The following INTS9 variants were observed in gnomAD, a reference collection of about 807,000 sequenced individuals.
INTS9 encodes protein related to CPSF subunits of 74 kDa.
Under a neutral mutation model 79.7 loss-of-function variants are expected in INTS9, and 55 were observed. That is an observed-to-expected ratio of 0.69 (90% CI 0.56 to 0.86). The LOEUF (loss-of-function observed/expected upper bound fraction) is 0.86. INTS9 is among the 40% of genes least tolerant of loss of function. The pLI is 0.00. For synonymous variants in INTS9, 319 were observed against 325.2 expected, an observed-to-expected ratio of 0.98 and a Z score of 0.20; for missense variants, 721 against 831.5, an observed-to-expected ratio of 0.87 and a Z score of 1.64.
At chr8:28,769,390 A>G (rs924364378) in intron 16 of INTS9, among the ~76,000 whole-genome samples, 2 of 152,130 alleles carry the variant, frequency 1.3e-5, no homozygotes, top group Non-Finnish European at 2.9e-5. Flanking sequence ...TTAAGGTTAG[A>G]TTTTTTTCTT....
intron 6 of INTS9, 117 bp from the exon 7 acceptor site, chr8:28,813,729 T>G: frequency 9.2e-7 from 1 of 1,092,306 alleles, no homozygotes; most frequent in Non-Finnish European, 1.3e-6. Context: ...CATATAATTG[T>G]TCATAGGATT....
chr8:28,864,519 T>C, intron 1 of INTS9, among the ~76,000 whole-genome samples: 1 of 152,376 alleles, frequency 6.6e-6, no homozygotes, highest in East Asian at 1.9e-4. Flanking sequence ...GACTCTAAAA[T>C]ATGATTAAAA....
intron 4 of INTS9, among the ~76,000 whole-genome samples, chr8:28,844,291 T>C (rs1807366978): frequency 6.6e-6 from 1 of 152,212 alleles, no homozygotes; most frequent in Non-Finnish European, 1.5e-5. Flanking sequence ...AAACCTGTTC[T>C]TCCAGCACTT....
At chr8:28,868,074 C>T (rs964955526) in intron 1 of INTS9, among the ~76,000 whole-genome samples, 4 of 152,152 alleles carry the variant, frequency 2.6e-5, no homozygotes, top group African/African-American at 9.7e-5. Context: ...GTATGAAAGG[C>T]ATTGTCAGAG....
intron 8 of INTS9, among the ~76,000 whole-genome samples, chr8:28,801,652 C>A (rs1804534572): frequency 6.6e-6 from 1 of 152,162 alleles, no homozygotes; most frequent in Non-Finnish European, 1.5e-5. Flanking sequence ...TGCCCTGTTG[C>A]TCAGACTGGA....
Position 28,842,345 on chromosome 8 carries a change from T to C in INTS9, c.261+4402A>G, listed in dbSNP as rs1250559483. Among the ~76,000 whole-genome samples, 3 of 152,138 alleles carry C rather than the reference T, an allele frequency of 2.0e-5. No individual in the cohort carries two copies. In the East Asian group the frequency reaches 5.8e-4, roughly 29 times the overall value. On this transcript the variant is annotated intron_variant, in intron 4 of 16. Transcript: ENST00000521022. ...GATATATGTTGTAATTTGTTGGATG[T>C]TTTCACGTTTTCATTTCTCTAAAAA...
At chr8:28,792,555 A>C (rs1015049641) in intron 10 of INTS9, among the ~76,000 whole-genome samples, 2 of 151,906 alleles carry the variant, frequency 1.3e-5, no homozygotes, top group African/African-American at 4.8e-5. Context: ...ACAAAAACAA[A>C]AAAAAAAATT....
chr8:28,799,657 A>G (rs1318818627), intron 8 of INTS9, among the ~76,000 whole-genome samples: 4 of 152,248 alleles, frequency 2.6e-5, no homozygotes, highest in African/African-American at 9.6e-5. Context: ...GTCAATGACC[A>G]CTCAATGAGT....
At chr8:28,779,245 T>C (rs927696430) in intron 12 of INTS9, among the ~76,000 whole-genome samples, 1 of 152,112 alleles carries the variant, frequency 6.6e-6, no homozygotes, top group African/African-American at 2.4e-5. Context: ...GTGTTGTCAA[T>C]CAATATCTTG....
At chr8:28,839,565 A>C (rs1267208066) in intron 4 of INTS9, among the ~76,000 whole-genome samples, 6 of 152,222 alleles carry the variant, frequency 3.9e-5, no homozygotes, top group Non-Finnish European at 8.8e-5. Flanking sequence ...AGTAACCAAA[A>C]CAGCATGGTA....
At chr8:28,795,823 C>T (rs903326221) in intron 9 of INTS9, among the ~76,000 whole-genome samples, 10 of 152,180 alleles carry the variant, frequency 6.6e-5, no homozygotes, top group African/African-American at 1.9e-4. Context: ...TATTTTGTTA[C>T]GGCAGCCCAA....
intron 9 of INTS9, 94 bp downstream of exon 9, chr8:28,796,450 A>G: frequency 1.4e-6 from 1 of 705,740 alleles, no homozygotes; most frequent in South Asian, 1.9e-5. Context: ...CCCTGTAAGC[A>G]CTCCTTCCCC....
chr8:28,817,529 C>G (rs1398753086), intron 6 of INTS9, among the ~76,000 whole-genome samples: 1 of 152,264 alleles, frequency 6.6e-6, no homozygotes, highest in East Asian at 1.9e-4. Flanking sequence ...TGTTTTGGTA[C>G]CAGTAACATG....
At chr8:28,842,182 T>C (rs2131214495) in intron 4 of INTS9, among the ~76,000 whole-genome samples, 1 of 152,294 alleles carries the variant, frequency 6.6e-6, no homozygotes, top group African/African-American at 2.4e-5. Context: ...GAGGTCTTTA[T>C]TTTTGTCATC....
chr8:28,816,373 A>G (rs1805481609), intron 6 of INTS9, among the ~76,000 whole-genome samples: 2 of 139,618 alleles, frequency 1.4e-5, no homozygotes, highest in African/African-American at 2.7e-5. Flanking sequence ...TCATTGTTCA[A>G]TTCCCACCTA....
intron 1 of INTS9, among the ~76,000 whole-genome samples, chr8:28,866,961 C>T (rs997944765): frequency 2.0e-4 from 28 of 142,020 alleles, no homozygotes; most frequent in African/African-American, 7.2e-4. Context: ...GGTGACAGAG[C>T]GAAACTGTCA....
chr8:28,811,852 A>G (rs1262291825), intron 8 of INTS9, among the ~76,000 whole-genome samples: 5 of 152,106 alleles, frequency 3.3e-5, no homozygotes, highest in African/African-American at 1.2e-4. Context: ...TTGTATCTCA[A>G]TCGGAAATGA....
Position 28,886,216 on chromosome 8 carries a change from AT to A in INTS9, c.9+3657del, listed in dbSNP as rs1025040061. On this transcript the variant is annotated intron_variant, in intron 1 of 16. Coordinates refer to ENST00000521022, the MANE Select transcript of INTS9 (RefSeq NM_018250.4). ...AAGAAAGTCCTCAAACTTAAAAAAA[AT>A]TTTTTTTTAACCAATAACCTTAAAA... Among the ~76,000 whole-genome samples, 8 of 151,900 alleles carry A rather than the reference AT, an allele frequency of 5.3e-5. No homozygotes were observed. In the East Asian group the frequency reaches 9.7e-4, roughly 18 times the overall value.
chr8:28,824,109 C>T (rs957087115), intron 6 of INTS9, among the ~76,000 whole-genome samples: 2 of 152,208 alleles, frequency 1.3e-5, no homozygotes, highest in Admixed American at 6.5e-5. Context: ...AGGGGAATGA[C>T]ACGCATAATA....
Sources: allele counts gnomAD v4.1 joint callset (sites outside exome capture counted in the v4.1 genomes callset), GRCh38; gene constraint gnomAD v4.1.1; transcripts MANE v1.5; gene names NCBI Gene and HGNC (gene_info 2026-07-23, HGNC 2026-07-21).